The following CACNA2D2 variants were observed in gnomAD, a reference collection of about 807,000 sequenced individuals.
CACNA2D2 encodes the protein voltage-dependent calcium channel subunit alpha-2/delta-2.
A neutral mutation model predicts 166.4 loss-of-function variants in CACNA2D2; 48 were observed. That is an observed-to-expected ratio of 0.29 (90% confidence interval 0.23 to 0.37). The LOEUF (loss-of-function observed/expected upper bound fraction) is 0.37. CACNA2D2 is among the 10% of genes least tolerant of loss of function. The probability of loss-of-function intolerance (pLI) is 1.00; values close to 1 mark genes in which losing one functional copy is unlikely to be tolerated. For synonymous variants in CACNA2D2, 561 were observed against 573.7 expected (o/e 0.98, Z 0.32); for missense variants, 1,122 against 1,433.0 (o/e 0.78, Z 3.50).
chr3:50,399,491 G>T (rs1706335637), intron 3 of CACNA2D2, among the ~76,000 whole-genome samples: 1 of 152,150 alleles, frequency 6.6e-6, no homozygotes, highest in African/African-American at 2.4e-5. Flanking sequence ...GGTGGAGGCT[G>T]GGGGTAGTAT....
chr3:50,371,369 T>TGC (rs1190375855), intron 22 of CACNA2D2, among the ~76,000 whole-genome samples: 3 of 152,050 alleles, frequency 2.0e-5, no homozygotes, highest in Admixed American at 6.5e-5. Flanking sequence ...TGTGTGTGTG[T>TGC]GCCTAAGTGT....
chr3:50,440,276 C>A lies in CACNA2D2; in HGVS notation c.289-5847G>T, dbSNP rs78661034. On this transcript the variant is annotated intron_variant, in intron 2 of 37. Transcript: ENST00000424201. The stretch of plus-strand genomic sequence containing the variant: ...GCCTGGCACAGGGCTTACAGTAGGG[C>A]AAGGGGCCCCTGGAGCCCTCAGGGC... Among the ~76,000 whole-genome samples, 405 of 152,388 alleles carry A rather than the reference C, an allele frequency of 2.7e-3. 16 individuals carry two copies. In the East Asian group the frequency reaches 0.065, roughly 24 times the overall value.
chr3:50,384,440 G>C, intron 5 of CACNA2D2, 103 bp from the exon 6 acceptor site: 1 of 1,304,706 alleles, frequency 7.7e-7, no homozygotes, highest in Non-Finnish European at 1.1e-6. Flanking sequence ...CCAGGAGATA[G>C]GGGCATCTCA....
At chr3:50,424,871 G>A (rs568195958) in intron 3 of CACNA2D2, among the ~76,000 whole-genome samples, 30 of 152,190 alleles carry the variant, frequency 2.0e-4, no homozygotes, top group African/African-American at 6.7e-4. Flanking sequence ...GGTTAGCTTG[G>A]GGAAGACAGC....
rs766146368 is a variant in CACNA2D2, at chr3:50,394,113, A to C, written c.461T>G (p.Ile154Ser). The C allele has an allele frequency of 6.2e-7, 1 of 1,613,888 alleles. No homozygotes were observed. The highest frequency in any genetic ancestry group is 8.5e-7 in the Non-Finnish European group (1 of 1,179,872). The stretch of plus-strand genomic sequence containing the variant: ...GCAGGGTGCTGGGGTTCCTACCTTG[A>C]TGTTGTCCTGCCAGCGGTGTGCTTT... ...FQKAHRWQDN[I>S]KEEDIVYYDA... The change falls in exon 4 of 38, where the codon ATC (isoleucine) becomes AGC (serine). Residue 154 changes from isoleucine (I) to serine (S), a missense_variant. By Grantham distance (142) the Ile-to-Ser change is moderately radical. This residue lies in a region of CACNA2D2 where 840 missense variants were observed against 1,166.8 expected (regional missense o/e 0.72). Coordinates refer to ENST00000424201, the MANE Select transcript of CACNA2D2 (RefSeq NM_006030.4).
At chr3:50,414,011 A>C in intron 3 of CACNA2D2, among the ~76,000 whole-genome samples, 1 of 149,226 alleles carries the variant, frequency 6.7e-6, no homozygotes, top group East Asian at 2.0e-4. Context: ...GTCTTGGCCC[A>C]TTCCTTCTGA....
intron 1 of CACNA2D2, among the ~76,000 whole-genome samples, chr3:50,497,451 T>C (rs1244581712): frequency 6.6e-6 from 1 of 152,084 alleles, no homozygotes; most frequent in Admixed American, 6.6e-5. Context: ...TTTGTGAGGC[T>C]CTCCCCTCAC....
At chr3:50,386,530 A>C (rs1705617259) in intron 5 of CACNA2D2, among the ~76,000 whole-genome samples, 1 of 152,178 alleles carries the variant, frequency 6.6e-6, no homozygotes, top group Non-Finnish European at 1.5e-5. Flanking sequence ...GGAGCCACGG[A>C]GCTCAGCCAA....
In CACNA2D2 at chr3:50,365,450, G is replaced by A. The variant is rs764066785; in HGVS notation, c.3004C>T (p.Arg1002Cys). 1.2e-6 allele frequency: 2 copies of A among 1,613,534 alleles called. No individual in the cohort carries two copies. The highest frequency in any genetic ancestry group is 1.7e-6 in the Non-Finnish European group (2 of 1,179,870). ...TGTTTCATGACGCAGCTGCTCTCGC[G>A]CGTCTCGGGGCTCCCCTCGGCCTCC... Reference protein sequence around the residue: ...PAEAEGSPETRESSCVMKQTQ... With the variant: ...PAEAEGSPETCESSCVMKQTQ... The change falls in exon 35 of 38, where the codon CGC (arginine) becomes TGC (cysteine). Residue 1002 changes from arginine to cysteine, a missense_variant. By Grantham distance (180) the Arg-to-Cys change is radical. Around this residue, in one of 2 missense-constraint regions of CACNA2D2, gnomAD observed 282 missense variants for 266.2 expected, o/e 1.06. Coordinates refer to ENST00000424201, the MANE Select transcript of CACNA2D2 (RefSeq NM_006030.4). This position sits in a 1 kb window ranked among gnomAD's most constrained non-coding sequence, Gnocchi z 4.5.
chr3:50,390,777 G>A (rs146913910), intron 4 of CACNA2D2, among the ~76,000 whole-genome samples: 24 of 152,324 alleles, frequency 1.6e-4, no homozygotes, highest in African/African-American at 5.3e-4. Flanking sequence ...AGAGAGGTGT[G>A]AGGAGGGTGG....
chr3:50,448,868 C>A (rs1250815503), intron 2 of CACNA2D2, among the ~76,000 whole-genome samples: 3 of 152,206 alleles, frequency 2.0e-5, no homozygotes, highest in Non-Finnish European at 2.9e-5. Context: ...CCTGAGAACA[C>A]CCCATTGATG....
chr3:50,432,206 G>T (rs1487956359), intron 3 of CACNA2D2, among the ~76,000 whole-genome samples: 2 of 152,082 alleles, frequency 1.3e-5, no homozygotes, highest in Non-Finnish European at 2.9e-5. Flanking sequence ...CTTTAGGGGT[G>T]GGGGAAGTGG....
At chr3:50,468,880 G>A (rs561643482) in intron 2 of CACNA2D2, among the ~76,000 whole-genome samples, 1 of 148,850 alleles carries the variant, frequency 6.7e-6, no homozygotes, top group South Asian at 2.1e-4. Context: ...CCAGGGTGGA[G>A]TGCAGTGGAG....
chr3:50,365,532 C>A lies in CACNA2D2; in HGVS notation c.2972-50G>T. On this transcript the variant is annotated intron_variant, in intron 34 of 37. Transcript: ENST00000424201. The surrounding 1 kb of genome is among the most constrained non-coding windows in gnomAD (Gnocchi z 4.5). Reference sequence around the variant, plus strand: ...CTCCGCCCACAGACCCTGGCAAGGTCTCCGGCCTCCCTCAGTCGTAGACCC... The same window carrying A: ...CTCCGCCCACAGACCCTGGCAAGGTATCCGGCCTCCCTCAGTCGTAGACCC... 6.2e-7 allele frequency: 1 copy of A among 1,604,058 alleles called. No individual in the cohort carries two copies. Among genetic ancestry groups the A allele is most frequent in the Non-Finnish European group, 8.5e-7 (1 of 1,175,332 alleles).
chr3:50,379,941 C>G lies in CACNA2D2; in HGVS notation c.893+27G>C. 6.2e-7 allele frequency: 1 copy of G among 1,613,970 alleles called. No individual in the cohort carries two copies. The highest frequency in any genetic ancestry group is 8.5e-7 in the Non-Finnish European group (1 of 1,179,998). On this transcript the variant is annotated intron_variant, in intron 9 of 37. Transcript: ENST00000424201. This position sits in a 1 kb window ranked among gnomAD's most constrained non-coding sequence, Gnocchi z 6.5. Reference sequence around the variant, plus strand: ...AGCCCATTGCCCGTCCCTGCCCCAGCCCCACTTGCCAGCACTGCTCACTCA... The same window carrying G: ...AGCCCATTGCCCGTCCCTGCCCCAGGCCCACTTGCCAGCACTGCTCACTCA...
At position 50,366,695 on chromosome 3, in the gene CACNA2D2, C is replaced by T. The variant is rs755639502; in HGVS notation, c.2590-70G>A. ...CTCCCTCCCATCACCTTTCATACATCCGGTTCCCCAGGCCATCTGCAGCTG... is the reference window on the plus strand; with the variant it reads ...CTCCCTCCCATCACCTTTCATACATTCGGTTCCCCAGGCCATCTGCAGCTG... On this transcript the variant is annotated intron_variant, in intron 29 of 37. Transcript: ENST00000424201. This position sits in a 1 kb window ranked among gnomAD's most constrained non-coding sequence, Gnocchi z 5.9. 23 of 1,596,322 alleles carry T rather than the reference C, an allele frequency of 1.4e-5. No homozygotes were observed. The highest frequency in any genetic ancestry group is 1.7e-5 in the Non-Finnish European group (20 of 1,165,162).
In CACNA2D2 at chr3:50,377,352, C is replaced by T. The variant is rs995906099; in HGVS notation, c.1626+115G>A. 20 of 842,888 alleles carry T rather than the reference C, an allele frequency of 2.4e-5. 1 individual carries two copies. In the South Asian group the frequency reaches 3.0e-4, roughly 12 times the overall value. 52.2% of individuals were successfully genotyped at this position (842,888 alleles called of 1,614,324 possible). A position where few individuals can be genotyped will look rare whatever the true frequency, so the allele number is the denominator to read the frequency against. On this transcript the variant is annotated intron_variant, in intron 17 of 37. Coordinates refer to ENST00000424201, the MANE Select transcript of CACNA2D2 (RefSeq NM_006030.4). ...CACCTCCTGGGGAAGCCTTCCCCGA[C>T]CCCTGAACTCAGAGGTCTCCATGGA...
At chr3:50,484,110 C>G (rs1301207949) in intron 1 of CACNA2D2, among the ~76,000 whole-genome samples, 1 of 152,158 alleles carries the variant, frequency 6.6e-6, no homozygotes, top group African/African-American at 2.4e-5. Context: ...CTCTTCTCCC[C>G]ACTCCCTGCC....
rs1705177409 is a variant in CACNA2D2 at position 50,379,403 on chromosome 3, C to G, written c.1152+29G>C. Reference sequence around the variant, plus strand: ...AAGCCAGGGCCCTCTACTCCCCCAGCCGCCCACTTGCCCACCCATGGGGCT... The same window carrying G: ...AAGCCAGGGCCCTCTACTCCCCCAGGCGCCCACTTGCCCACCCATGGGGCT... On this transcript the variant is annotated intron_variant, in intron 11 of 37. Transcript: ENST00000424201. This position sits in a 1 kb window ranked among gnomAD's most constrained non-coding sequence, Gnocchi z 6.5. The G allele has an allele frequency of 6.2e-7, 1 of 1,608,828 alleles. No individual in the cohort carries two copies. The highest frequency in any genetic ancestry group is 1.1e-5 in the South Asian group (1 of 90,740).
Sources: allele counts gnomAD v4.1 joint callset (sites outside exome capture counted in the v4.1 genomes callset), GRCh38; gene constraint gnomAD v4.1.1; regional missense constraint gnomAD v4.1.1; non-coding constraint Gnocchi (gnomAD v3.1); transcripts MANE v1.5; gene names NCBI Gene and HGNC (gene_info 2026-07-23, HGNC 2026-07-21).